INPP4B: variants seen among roughly 807,000 people sequenced by gnomAD.
INPP4B encodes the protein inositol polyphosphate-4-phosphatase type II B.
Under a neutral mutation model 122.5 loss-of-function variants are expected in INPP4B, and 55 were observed. The ratio of observed to expected loss-of-function variants is 0.45; its 90% CI spans 0.36 to 0.56. The LOEUF is 0.56. Ranked by LOEUF, INPP4B falls within the 20% of genes least tolerant of loss-of-function variation. INPP4B has a pLI of 0.00. For missense variants in INPP4B, 1,000 were observed against 1,097.7 expected, an observed-to-expected ratio of 0.91 and a Z score of 1.26; for synonymous variants, 403 against 388.7, an observed-to-expected ratio of 1.04 and a Z score of -0.43.
intron 2 of INPP4B, among the ~76,000 whole-genome samples, chr4:142,562,860 G>A (rs1221604304): frequency 6.6e-6 from 1 of 151,650 alleles, no homozygotes; most frequent in Non-Finnish European, 1.5e-5. Flanking sequence ...TTTTTTCTAA[G>A]GTGGATAAGA....
intron 18 of INPP4B, among the ~76,000 whole-genome samples, chr4:142,135,083 T>C (rs1180531732): frequency 6.6e-6 from 1 of 152,212 alleles, no homozygotes; most frequent in African/African-American, 2.4e-5. Flanking sequence ...TATTTTTGCA[T>C]AAATGTTGAA....
intron 2 of INPP4B, among the ~76,000 whole-genome samples, chr4:142,544,157 G>GTGTGTGTGTGTA (rs1829282256): frequency 1.3e-5 from 2 of 151,626 alleles, no homozygotes; most frequent in Admixed American, 1.3e-4. Context: ...GTGTGTGTGT[G>GTGTGTGTGTGTA]TAGGAACATA....
intron 2 of INPP4B, among the ~76,000 whole-genome samples, chr4:142,556,481 G>C (rs542009646): frequency 1.3e-5 from 2 of 152,308 alleles, no homozygotes; most frequent in African/African-American, 2.4e-5. Flanking sequence ...GAAAAAGATA[G>C]TTTAATACTT....
At chr4:142,632,977 G>T (rs1357545966) in intron 2 of INPP4B, among the ~76,000 whole-genome samples, 2 of 151,226 alleles carry the variant, frequency 1.3e-5, no homozygotes, top group African/African-American at 4.9e-5. Context: ...CATAAAAGAA[G>T]ATCAAATAAA....
At chr4:142,478,611 T>C (rs1449504517) in intron 2 of INPP4B, among the ~76,000 whole-genome samples, 1 of 152,168 alleles carries the variant, frequency 6.6e-6, no homozygotes, top group Non-Finnish European at 1.5e-5. Context: ...ATATGTTAAA[T>C]CAAACTTGCA....
intron 25 of INPP4B, among the ~76,000 whole-genome samples, chr4:142,066,072 A>T (rs6825552): frequency 0.025 from 3,779 of 152,280 alleles, 174 homozygotes; most frequent in African/African-American, 0.087. Context: ...GATCACATGA[A>T]TATCAAATGT....
At chr4:142,574,636 T>C (rs1733476502) in intron 2 of INPP4B, among the ~76,000 whole-genome samples, 1 of 152,140 alleles carries the variant, frequency 6.6e-6, no homozygotes, top group African/African-American at 2.4e-5. Flanking sequence ...AACAGAATAC[T>C]TTTCAAAATT....
intron 2 of INPP4B, among the ~76,000 whole-genome samples, chr4:142,528,737 G>A (rs538171365): frequency 2.6e-5 from 4 of 152,060 alleles, no homozygotes; most frequent in African/African-American, 4.8e-5. Context: ...TTGTGTGACC[G>A]TGTTGCAAGC....
rs1227346396 is a variant in INPP4B at position 142,173,857 on chromosome 4, G to A, written c.1182-48C>T. The A allele has an allele frequency of 4.1e-6, 6 of 1,455,058 alleles. No individual in the cohort carries two copies. The African/African-American group carries it at 5.6e-5, about 14-fold the overall frequency. The allele number at this position is 1,455,058 out of a possible 1,614,324, so 90.1% of individuals were successfully genotyped here. A position where few individuals can be genotyped will look rare whatever the true frequency, so the allele number is the denominator to read the frequency against. On this transcript the variant is annotated intron_variant, in intron 15 of 25. Coordinates refer to ENST00000262992, the MANE Select transcript of INPP4B (RefSeq NM_001101669.3). ...AAGTTACACAAACAGCATAATGAAT[G>A]TTCAGCCCTTAATATCAGATGGCAA...
chr4:142,228,079 G>A (rs1254266652), intron 12 of INPP4B, among the ~76,000 whole-genome samples: 9 of 151,734 alleles, frequency 5.9e-5, no homozygotes, highest in Non-Finnish European at 1.2e-4. Context: ...TGCACGTCAA[G>A]GTTTGTGTAT....
At chr4:142,511,140 C>A (rs192003379) in intron 2 of INPP4B, among the ~76,000 whole-genome samples, 3 of 152,104 alleles carry the variant, frequency 2.0e-5, no homozygotes, top group Admixed American at 6.5e-5. Context: ...ATATACTATT[C>A]CTATTTTAAC....
At chr4:142,342,382 A>T (rs1213671848) in intron 7 of INPP4B, among the ~76,000 whole-genome samples, 2 of 152,188 alleles carry the variant, frequency 1.3e-5, no homozygotes, top group African/African-American at 4.8e-5. Context: ...ATTTTACTAC[A>T]TCTAATTTTT....
At chr4:142,755,867 A>G (rs1770433156) in intron 1 of INPP4B, among the ~76,000 whole-genome samples, 1 of 152,062 alleles carries the variant, frequency 6.6e-6, no homozygotes, top group Non-Finnish European at 1.5e-5. Context: ...TATAACAAAC[A>G]CTAGTAGTTT....
intron 25 of INPP4B, among the ~76,000 whole-genome samples, chr4:142,073,381 T>A (rs921898043): frequency 6.6e-6 from 1 of 152,146 alleles, no homozygotes; most frequent in African/African-American, 2.4e-5. Context: ...ACATTTTGGG[T>A]ACTTATTCAT....
intron 7 of INPP4B, among the ~76,000 whole-genome samples, chr4:142,372,469 T>C (rs766880948): frequency 4.6e-5 from 7 of 152,056 alleles, no homozygotes; most frequent in Non-Finnish European, 8.8e-5. Context: ...GATTTGATCA[T>C]TACACATTCT....
At chr4:142,552,962 T>C (rs1728329820) in intron 2 of INPP4B, among the ~76,000 whole-genome samples, 1 of 152,194 alleles carries the variant, frequency 6.6e-6, no homozygotes, top group Non-Finnish European at 1.5e-5. Context: ...TGGAGATCAA[T>C]AAATTTCCAT....
At chr4:142,302,483 C>G (rs1194082687) in intron 9 of INPP4B, among the ~76,000 whole-genome samples, 1 of 152,106 alleles carries the variant, frequency 6.6e-6, no homozygotes, top group African/African-American at 2.4e-5. Context: ...CCCTGCCTTT[C>G]CCATTTAAGA....
chr4:142,129,230 C>G (rs1009698149), intron 18 of INPP4B, among the ~76,000 whole-genome samples: 1 of 152,054 alleles, frequency 6.6e-6, no homozygotes, highest in Non-Finnish European at 1.5e-5. Flanking sequence ...AACTTACAGC[C>G]AGTAGGGGTT....
In INPP4B at chr4:142,189,628, T is replaced by C. The variant is rs75364713; in HGVS notation, c.1181+3459A>G. Among the ~76,000 whole-genome samples the C allele has an allele frequency of 4.4e-3, 667 of 152,140 alleles. 3 individuals carry two copies. Among genetic ancestry groups the C allele is most frequent in the African/African-American group, 0.015 (632 of 41,494 alleles). On this transcript the variant is annotated intron_variant, in intron 15 of 25. Transcript: ENST00000262992. ...AGAATTTTGAATAGGATTATGTAAATGGCTTTCACAGAAAGAAATGAAAAA... is the reference window on the plus strand; with the variant it reads ...AGAATTTTGAATAGGATTATGTAAACGGCTTTCACAGAAAGAAATGAAAAA...
Sources: gnomAD v4.1 joint callset for allele counts (sites outside exome capture counted in the v4.1 genomes callset) on GRCh38, gnomAD v4.1.1 for gene constraint, MANE v1.5 for transcripts, NCBI Gene and HGNC (gene_info 2026-07-23, HGNC 2026-07-21) for gene names.